The following FGF14 variants were observed in gnomAD, a reference collection of about 807,000 sequenced individuals.
The protein encoded by FGF14 is fibroblast growth factor homologous factor 4.
In FGF14, 5 loss-of-function variants were observed where a neutral mutation model predicts 25.5. The ratio of observed to expected loss-of-function variants is 0.20; its 90% CI spans 0.10 to 0.41. The LOEUF is 0.41. Ranked by LOEUF, FGF14 falls within the 10% of genes least tolerant of loss-of-function variation. The probability of loss-of-function intolerance (pLI) is 1.00; values close to 1 mark genes in which losing one functional copy is unlikely to be tolerated. For synonymous variants in FGF14, 138 were observed against 118.3 expected (o/e 1.17, Z -1.08); for missense variants, 222 against 320.1 (o/e 0.69, Z 2.34).
At chr13:101,759,997 T>A (rs142159195) in intron 3 of FGF14, among the ~76,000 whole-genome samples, 93 of 152,266 alleles carry the variant, frequency 6.1e-4, no homozygotes, top group African/African-American at 2.1e-3. Flanking sequence ...AGAGAAATCT[T>A]GTGTTTCTTC....
chr13:101,833,638 T>G lies in FGF14; in HGVS notation c.408+35087A>C, dbSNP rs1488939412. On this transcript the variant is annotated intron_variant, in intron 3 of 4. Coordinates refer to ENST00000376143, the MANE Select transcript of FGF14 (RefSeq NM_004115.4). ...ACATATATACAGACAGATAGGTGTG[T>G]GTATACATATGCATATGTGTGTATA... Among the ~76,000 whole-genome samples, 3 of 152,058 alleles carry G rather than the reference T, an allele frequency of 2.0e-5. No individual in the cohort carries two copies. In the East Asian group the frequency reaches 5.8e-4, roughly 29 times the overall value.
intron 4 of FGF14, chr13:101,723,243 G>T: frequency 2.2e-6 from 1 of 451,632 alleles, no homozygotes; most frequent in Non-Finnish European, 4.1e-6. Flanking sequence ...GGGAGCTATG[G>T]CCTCTTTGTG....
At chr13:102,058,662 AT>A (rs775756441) in intron 1 of FGF14, among the ~76,000 whole-genome samples, 2 of 152,122 alleles carry the variant, frequency 1.3e-5, no homozygotes, top group Non-Finnish European at 2.9e-5. Context: ...ATTAATATGC[AT>A]TTTTTCAAAA....
At chr13:101,953,546 G>A (rs1281561270) in intron 1 of FGF14, among the ~76,000 whole-genome samples, 1 of 148,424 alleles carries the variant, frequency 6.7e-6, no homozygotes, top group Non-Finnish European at 1.5e-5. Flanking sequence ...CTTTCTGTAT[G>A]TGTATATATA....
chr13:102,069,367 G>A (rs926870228), intron 1 of FGF14, among the ~76,000 whole-genome samples: 1 of 152,176 alleles, frequency 6.6e-6, no homozygotes, highest in African/African-American at 2.4e-5. Flanking sequence ...CCAATCAGCA[G>A]GATGTGGGTG....
At chr13:101,797,745 G>GTC (rs2040618076) in intron 3 of FGF14, among the ~76,000 whole-genome samples, 1 of 144,760 alleles carries the variant, frequency 6.9e-6, no homozygotes, top group Non-Finnish European at 1.5e-5. Flanking sequence ...ATGTGTGTGT[G>GTC]TGTGTGTGTG....
intron 1 of FGF14, among the ~76,000 whole-genome samples, chr13:102,275,339 T>C (rs1340443491): frequency 6.6e-6 from 1 of 150,628 alleles, no homozygotes; most frequent in Non-Finnish European, 1.5e-5. Flanking sequence ...TTTTATAAAT[T>C]AAAAAATATG....
At chr13:101,992,176 T>A (rs1318977333) in intron 1 of FGF14, among the ~76,000 whole-genome samples, 1 of 152,088 alleles carries the variant, frequency 6.6e-6, no homozygotes, top group East Asian at 1.9e-4. Context: ...AAACAGAGGA[T>A]TATAGCTGAA....
intron 3 of FGF14, among the ~76,000 whole-genome samples, chr13:101,766,891 T>C (rs2038441363): frequency 6.6e-6 from 1 of 152,122 alleles, no homozygotes; most frequent in South Asian, 2.1e-4. Flanking sequence ...GAGAGAGGCA[T>C]AGAACTGATT....
chr13:101,856,130 T>C (rs1372722203), intron 3 of FGF14, among the ~76,000 whole-genome samples: 1 of 151,826 alleles, frequency 6.6e-6, no homozygotes, highest in Non-Finnish European at 1.5e-5. Flanking sequence ...TGGAAAAAAT[T>C]TCTTAATAAT....
intron 1 of FGF14, among the ~76,000 whole-genome samples, chr13:102,336,323 T>G (rs1411732699): frequency 1.3e-5 from 2 of 152,182 alleles, no homozygotes; most frequent in African/African-American, 4.8e-5. Context: ...TTTAGTGGTC[T>G]GGAGAGAAGA....
intron 1 of FGF14, among the ~76,000 whole-genome samples, chr13:101,932,819 C>T (rs2034854426): frequency 1.3e-5 from 2 of 148,282 alleles, no homozygotes; most frequent in Admixed American, 6.7e-5. Context: ...GTTCTGAAAT[C>T]CCAGGCCAAG....
chr13:102,202,019 G>C (rs1398052978), intron 1 of FGF14, among the ~76,000 whole-genome samples: 1 of 152,032 alleles, frequency 6.6e-6, no homozygotes, highest in Non-Finnish European at 1.5e-5. Context: ...CATGAGATCT[G>C]GTTGTTTAAA....
At position 101,765,493 on chromosome 13, in the gene FGF14, G is replaced by T. The variant is rs546805443; in HGVS notation, c.409-38683C>A. On this transcript the variant is annotated intron_variant, in intron 3 of 4. Coordinates refer to ENST00000376143, the MANE Select transcript of FGF14 (RefSeq NM_004115.4). ...CTCACAAATTGTGCTAGAAGACAAT[G>T]ATGGCCTCCATGGAGGCAAGCAGGT... Among the ~76,000 whole-genome samples, 5 of 152,260 alleles carry T rather than the reference G, an allele frequency of 3.3e-5. No homozygotes were observed. The East Asian group carries it at 9.7e-4, about 29-fold the overall frequency.
At position 102,076,971 on chromosome 13, in the gene FGF14, A is replaced by G. The variant is rs539416461; in HGVS notation, c.209-201675T>C. ...ATGGAACAGAATATAGAGCATAGAA[A>G]TAAAACCACATATTTATAGTCAATT... On this transcript the variant is annotated intron_variant, in intron 1 of 4. Transcript: ENST00000376131. Among the ~76,000 whole-genome samples the G allele has an allele frequency of 5.3e-5, 8 of 152,330 alleles. No individual in the cohort carries two copies. In the East Asian group the frequency reaches 1.5e-3, roughly 29 times the overall value.
At chr13:101,928,741 G>C (rs1197500373) in intron 1 of FGF14, among the ~76,000 whole-genome samples, 1 of 152,158 alleles carries the variant, frequency 6.6e-6, no homozygotes, top group Admixed American at 6.5e-5. Context: ...CTGATGTGGT[G>C]TGCCAGGACC....
intron 1 of FGF14, among the ~76,000 whole-genome samples, chr13:101,884,017 C>G (rs1977256): frequency 7.2e-6 from 1 of 138,582 alleles, no homozygotes; most frequent in Non-Finnish European, 1.5e-5. Context: ...GAGCCCAGAT[C>G]GCACCACTGC....
intron 3 of FGF14, among the ~76,000 whole-genome samples, chr13:101,780,126 G>A (rs2039398724): frequency 6.6e-6 from 1 of 152,134 alleles, no homozygotes; most frequent in African/African-American, 2.4e-5. Flanking sequence ...GGATACACTG[G>A]TGGTGGTACA....
chr13:102,325,943 C>T (rs775507188), intron 1 of FGF14, among the ~76,000 whole-genome samples: 11 of 152,074 alleles, frequency 7.2e-5, no homozygotes, highest in Non-Finnish European at 1.6e-4. Context: ...TAATTTTTTT[C>T]ATACTTGCTC....
Sources: gnomAD v4.1 joint callset for allele counts (sites outside exome capture counted in the v4.1 genomes callset) on GRCh38, gnomAD v4.1.1 for gene constraint, MANE v1.5 for transcripts, NCBI Gene and HGNC (gene_info 2026-07-23, HGNC 2026-07-21) for gene names.